SPMIP2: variants seen among roughly 807,000 people sequenced by gnomAD.
The protein encoded by SPMIP2 is protein SPMIP2.
chr4:159,076,093 A>G, the SPMIP2 span, among the ~76,000 whole-genome samples: 1 of 152,182 alleles, frequency 6.6e-6, no homozygotes, highest in Non-Finnish European at 1.5e-5. Flanking sequence ...CACACATGTT[A>G]ATTCTCCCAA....
At chr4:158,999,727 T>C in the SPMIP2 span, among the ~76,000 whole-genome samples, 1 of 152,254 alleles carries the variant, frequency 6.6e-6, no homozygotes, top group Admixed American at 6.5e-5. Context: ...GATTTCACTA[T>C]GCTGCAGCAC....
the SPMIP2 span, chr4:158,915,142 G>T: frequency 6.3e-7 from 1 of 1,580,566 alleles, no homozygotes; most frequent in East Asian, 2.3e-5. Flanking sequence ...CTTTTTCTAT[G>T]ACGATTTAGA....
the SPMIP2 span, among the ~76,000 whole-genome samples, chr4:158,901,128 A>ATTTTTTTTTTTTTT: frequency 8.9e-6 from 1 of 112,302 alleles, no homozygotes; most frequent in Non-Finnish European, 1.7e-5. Flanking sequence ...CTGGGTTGAA[A>ATTTTTTTTTTTTTT]TTTTTTTTTT....
chr4:158,987,244 A>T, the SPMIP2 span, among the ~76,000 whole-genome samples: 1 of 151,752 alleles, frequency 6.6e-6, no homozygotes, highest in Non-Finnish European at 1.5e-5. Flanking sequence ...GGGATCTAGA[A>T]CTAGAAATAG....
the SPMIP2 span, among the ~76,000 whole-genome samples, chr4:159,056,000 C>T: frequency 7.2e-5 from 11 of 152,082 alleles, no homozygotes; most frequent in African/African-American, 2.4e-4. Flanking sequence ...GAGGAGGAGC[C>T]GCTTGTCTTA....
chr4:159,068,639 A>C, the SPMIP2 span, among the ~76,000 whole-genome samples: 1 of 152,024 alleles, frequency 6.6e-6, no homozygotes, highest in Non-Finnish European at 1.5e-5. Flanking sequence ...GTGCACATGT[A>C]CTCTAAAACT....
At chr4:158,919,620 T>C in the SPMIP2 span, among the ~76,000 whole-genome samples, 186 of 152,364 alleles carry the variant, frequency 1.2e-3, 4 homozygotes, top group South Asian at 0.022. Context: ...TTTCTTGTTA[T>C]TAGTACTTTT....
the SPMIP2 span, among the ~76,000 whole-genome samples, chr4:159,039,640 G>A: frequency 3.9e-5 from 6 of 152,212 alleles, no homozygotes; most frequent in Admixed American, 2.6e-4. Flanking sequence ...TTGTGACAGC[G>A]ACTGAACTCA....
chr4:159,045,982 G>T, the SPMIP2 span, among the ~76,000 whole-genome samples: 4 of 152,206 alleles, frequency 2.6e-5, no homozygotes, highest in Non-Finnish European at 5.9e-5. Context: ...GGGCACGGTG[G>T]CTCCTGCCTG....
the SPMIP2 span, chr4:158,909,299 G>A: frequency 1.3e-5 from 2 of 151,410 alleles, no homozygotes; most frequent in African/African-American, 4.8e-5. Flanking sequence ...AGTTACAGTA[G>A]ATATTTCAAA....
At chr4:159,001,098 G>A in the SPMIP2 span, among the ~76,000 whole-genome samples, 1 of 152,128 alleles carries the variant, frequency 6.6e-6, no homozygotes, top group African/African-American at 2.4e-5. Flanking sequence ...CAGTAGTTGT[G>A]TCATTTTTGC....
chr4:159,002,776 A>G, the SPMIP2 span, among the ~76,000 whole-genome samples: 1 of 151,860 alleles, frequency 6.6e-6, no homozygotes, highest in Admixed American at 6.6e-5. Context: ...GCACACACAC[A>G]CACACACACA....
chr4:159,023,054 A>G, the SPMIP2 span, among the ~76,000 whole-genome samples: 1 of 137,770 alleles, frequency 7.3e-6, no homozygotes, highest in African/African-American at 3.4e-5. Context: ...AATAAAATAA[A>G]ATAAAATAAA....
chr4:158,972,803 A>G, the SPMIP2 span, among the ~76,000 whole-genome samples: 24 of 152,182 alleles, frequency 1.6e-4, no homozygotes, highest in African/African-American at 5.1e-4. Flanking sequence ...CAAGTGCCTC[A>G]GCCTGAATGT....
chr4:158,923,951 A>G, the SPMIP2 span, among the ~76,000 whole-genome samples: 8 of 152,190 alleles, frequency 5.3e-5, no homozygotes, highest in Non-Finnish European at 8.8e-5. Flanking sequence ...GATAGGACCT[A>G]TAAGGAGATA....
At chr4:159,009,393 A>C in the SPMIP2 span, among the ~76,000 whole-genome samples, 8,642 of 152,236 alleles carry the variant, frequency 0.057, 334 homozygotes, top group East Asian at 0.18. Context: ...AGTGATTCTG[A>C]TGCATCATGT....
chr4:158,916,639 GTATGTATGTA>G, the SPMIP2 span, among the ~76,000 whole-genome samples: 4 of 151,810 alleles, frequency 2.6e-5, no homozygotes, highest in Non-Finnish European at 2.9e-5. Context: ...ATGTATGTAT[GTATGTATGTA>G]TGTATGTTTG....
At chr4:158,943,968 G>A in the SPMIP2 span, among the ~76,000 whole-genome samples, 1 of 140,120 alleles carries the variant, frequency 7.1e-6, no homozygotes, top group East Asian at 2.2e-4. Flanking sequence ...TGATTGTTCT[G>A]CCTCAGCCTC....
At chr4:158,927,723 C>T in the SPMIP2 span, among the ~76,000 whole-genome samples, 119 of 152,358 alleles carry the variant, frequency 7.8e-4, no homozygotes, top group African/African-American at 2.7e-3. Flanking sequence ...AGTGGGAACC[C>T]GGGCTGCGCA....
Sources: allele counts gnomAD v4.1 joint callset (sites outside exome capture counted in the v4.1 genomes callset), GRCh38; gene constraint gnomAD v4.1.1; transcripts MANE v1.5; gene names NCBI Gene and HGNC (gene_info 2026-07-23, HGNC 2026-07-21).